Variants in PTPRK observed in about 807,000 individuals in gnomAD.
PTPRK encodes the protein receptor-type tyrosine-protein phosphatase kappa.
Under a neutral mutation model 178.0 loss-of-function variants are expected in PTPRK, and 75 were observed. The observed-to-expected ratio is 0.42, with a 90% CI of 0.35 to 0.51. The LOEUF (loss-of-function observed/expected upper bound fraction) is 0.51. Ranked by LOEUF, PTPRK falls within the 20% of genes least tolerant of loss-of-function variation. PTPRK has a pLI of 0.02. For missense variants in PTPRK, 1,441 were observed against 1,797.8 expected, an observed-to-expected ratio of 0.80 and a Z score of 3.59; for synonymous variants, 637 against 620.6, an observed-to-expected ratio of 1.03 and a Z score of -0.39.
rs181099996 is a variant in PTPRK, at chr6:128,406,626, T to C, written c.101-8938A>G. ...ACACAAGCAAATCATTTTGTTAATGTTGACTGACATCAGAACCCTGGATGT... is the reference window on the plus strand; with the variant it reads ...ACACAAGCAAATCATTTTGTTAATGCTGACTGACATCAGAACCCTGGATGT... On this transcript the variant is annotated intron_variant, in intron 1 of 29. Transcript: ENST00000368226. 1.4e-3 allele frequency among the ~76,000 whole-genome samples: 215 copies of C among 152,334 alleles called. 1 individual carries two copies. Among genetic ancestry groups the C allele is most frequent in the African/African-American group, 4.7e-3 (197 of 41,572 alleles).
chr6:128,046,596 G>T (rs1778065321), intron 13 of PTPRK, among the ~76,000 whole-genome samples: 1 of 152,056 alleles, frequency 6.6e-6, no homozygotes, highest in Non-Finnish European at 1.5e-5. Flanking sequence ...TTCCTTCAAC[G>T]TGCAGCAGAC....
intron 24 of PTPRK, among the ~76,000 whole-genome samples, chr6:127,982,327 C>T (rs966228232): frequency 2.0e-5 from 3 of 152,024 alleles, no homozygotes; most frequent in Non-Finnish European, 2.9e-5. Context: ...TGCTGGAGTG[C>T]AGTGGTGCAA....
chr6:128,193,360 A>C (rs1027552511), intron 6 of PTPRK, among the ~76,000 whole-genome samples: 1 of 151,826 alleles, frequency 6.6e-6, no homozygotes, highest in Non-Finnish European at 1.5e-5. Context: ...AATCACATCA[A>C]TTAAAATGTT....
At chr6:128,496,991 CT>C (rs577421251) in intron 1 of PTPRK, among the ~76,000 whole-genome samples, 63 of 152,268 alleles carry the variant, frequency 4.1e-4, no homozygotes, top group African/African-American at 1.5e-3. Flanking sequence ...CATGAGTTTA[CT>C]TATAAAATAA....
At chr6:128,371,448 T>C (rs903442068) in intron 2 of PTPRK, among the ~76,000 whole-genome samples, 1 of 152,212 alleles carries the variant, frequency 6.6e-6, no homozygotes, top group African/African-American at 2.4e-5. Context: ...AATGTTGTCA[T>C]TACAGATTTG....
rs144514615 is a variant in PTPRK, at chr6:128,486,733, G to A, written c.100+33526C>T. Among the ~76,000 whole-genome samples, 741 of 151,936 alleles carry A rather than the reference G, an allele frequency of 4.9e-3. 2 individuals are homozygous for A. The highest frequency in any genetic ancestry group is 8.4e-3 in the Non-Finnish European group (570 of 67,944). ...GTGGAGGTGGCAGTGAGCTGAGATC[G>A]TGCCACTGCACTCCAGCCTGGGTGA... On this transcript the variant is annotated intron_variant, in intron 1 of 29. Coordinates refer to ENST00000368226, the MANE Select transcript of PTPRK (RefSeq NM_002844.4).
intron 6 of PTPRK, among the ~76,000 whole-genome samples, chr6:128,207,391 T>A (rs950937645): frequency 2.6e-5 from 4 of 152,298 alleles, no homozygotes; most frequent in East Asian, 3.9e-4. Flanking sequence ...GAAAAGACTA[T>A]CCATGATTGC....
chr6:128,365,558 C>G (rs1055754309), intron 2 of PTPRK, among the ~76,000 whole-genome samples: 1 of 152,088 alleles, frequency 6.6e-6, no homozygotes, highest in African/African-American at 2.4e-5. Flanking sequence ...GTCAAGTGAC[C>G]ATTCATACTA....
At chr6:128,385,611 C>A (rs893572104) in intron 2 of PTPRK, among the ~76,000 whole-genome samples, 13 of 152,128 alleles carry the variant, frequency 8.5e-5, no homozygotes, top group African/African-American at 3.1e-4. Flanking sequence ...GAGAATTTTT[C>A]TCTTTTCTAG....
At chr6:128,265,829 T>C (rs1053925390) in intron 3 of PTPRK, among the ~76,000 whole-genome samples, 1 of 152,150 alleles carries the variant, frequency 6.6e-6, no homozygotes, top group African/African-American at 2.4e-5. Context: ...AAAATTCTTA[T>C]GTTGAAATTT....
At chr6:127,985,647 G>A in intron 22 of PTPRK, 74 bp downstream of exon 22, 1 of 1,421,498 alleles carries the variant, frequency 7.0e-7, no homozygotes, top group Non-Finnish European at 9.5e-7. Context: ...TAGTTTTTGT[G>A]CTCAAAAGCC....
chr6:128,176,684 G>C (rs955892004), intron 7 of PTPRK, among the ~76,000 whole-genome samples: 1 of 151,738 alleles, frequency 6.6e-6, no homozygotes, highest in African/African-American at 2.4e-5. Context: ...CAGGTTGGTG[G>C]AGAGGAAAGA....
At chr6:128,240,248 C>A in intron 4 of PTPRK, 98 bp from the exon 5 acceptor site, 1 of 924,072 alleles carries the variant, frequency 1.1e-6, no homozygotes, top group East Asian at 2.6e-5. Flanking sequence ...GTGTTTTTAC[C>A]TTTGGCCAAG....
At chr6:128,407,633 CAAAAAAAAAAAAAAA>C (rs56189580) in intron 1 of PTPRK, among the ~76,000 whole-genome samples, 1 of 97,794 alleles carries the variant, frequency 1.0e-5, no homozygotes, top group African/African-American at 4.1e-5. Context: ...AAGACCCTAT[CAAAAAAAAAAAAAAA>C]AAAAAAAGAA....
chr6:128,044,839 GTA>G (rs758523526), intron 13 of PTPRK, among the ~76,000 whole-genome samples: 3 of 151,502 alleles, frequency 2.0e-5, no homozygotes, highest in East Asian at 1.9e-4. Context: ...ATGTGTGTGT[GTA>G]TATATATATA....
chr6:128,380,437 A>G (rs944303901), intron 2 of PTPRK, among the ~76,000 whole-genome samples: 1 of 151,870 alleles, frequency 6.6e-6, no homozygotes, highest in African/African-American at 2.4e-5. Flanking sequence ...GACCTGTTCA[A>G]TGTTGTACTC....
intron 6 of PTPRK, among the ~76,000 whole-genome samples, chr6:128,200,858 G>A (rs1454674006): frequency 3.1e-5 from 4 of 129,448 alleles, no homozygotes; most frequent in African/African-American, 1.1e-4. Flanking sequence ...GGGGGGAGGA[G>A]GAGGGGGAGG....
At chr6:128,415,919 G>A (rs190101522) in intron 1 of PTPRK, among the ~76,000 whole-genome samples, 31 of 152,210 alleles carry the variant, frequency 2.0e-4, no homozygotes, top group Admixed American at 1.5e-3. Context: ...TGATGGTTGA[G>A]ATTAAATGTT....
At chr6:128,000,341 G>GAAA in intron 15 of PTPRK, 1 of 1,170,828 alleles carries the variant, frequency 8.5e-7, no homozygotes, top group Non-Finnish European at 1.1e-6. Context: ...CTGGAGAAGG[G>GAAA]AAAAAAAAAA....
Sources: gnomAD v4.1 joint callset for allele counts (sites outside exome capture counted in the v4.1 genomes callset) on GRCh38, gnomAD v4.1.1 for gene constraint, MANE v1.5 for transcripts, NCBI Gene and HGNC (gene_info 2026-07-23, HGNC 2026-07-21) for gene names.